The following ZNF831 variants were observed in gnomAD, a reference collection of about 807,000 sequenced individuals.
ZNF831 encodes the protein chromosome 20 open reading frame 174.
In ZNF831, 59 loss-of-function variants were observed where a neutral mutation model predicts 95.8. The ratio of observed to expected loss-of-function variants is 0.62; its 90% CI spans 0.50 to 0.77. ZNF831 has a LOEUF of 0.77. ZNF831 is among the 30% of genes least tolerant of loss of function. ZNF831 has a pLI of 0.00. For synonymous variants in ZNF831, 961 were observed against 925.5 expected, an observed-to-expected ratio of 1.04 and a Z score of -0.70; for missense variants, 2,205 against 2,164.0, an observed-to-expected ratio of 1.02 and a Z score of -0.38.
At chr20:59,230,100 CTTATT>C (rs1030502863) in intron 4 of ZNF831, among the ~76,000 whole-genome samples, 1 of 152,106 alleles carries the variant, frequency 6.6e-6, no homozygotes, top group Non-Finnish European at 1.5e-5. Context: ...TTAAAATAAT[CTTATT>C]TAAGTGAAAA....
At chr20:59,150,459 C>G (rs1980165281) in intron 2 of ZNF831, among the ~76,000 whole-genome samples, 2 of 152,134 alleles carry the variant, frequency 1.3e-5, no homozygotes, top group Admixed American at 6.5e-5. Context: ...TGTCCCAAAG[C>G]CTGCACAGGA....
chr20:59,176,519 A>T (rs1190918572), intron 1 of ZNF831, among the ~76,000 whole-genome samples: 2 of 152,172 alleles, frequency 1.3e-5, no homozygotes, highest in Non-Finnish European at 2.9e-5. Context: ...GAGGAACATG[A>T]TCTCTTGCCA....
chr20:59,185,379 G>A (rs1361348239), intron 1 of ZNF831, among the ~76,000 whole-genome samples: 3 of 152,196 alleles, frequency 2.0e-5, no homozygotes, highest in South Asian at 2.1e-4. Context: ...GAAACATAGC[G>A]CTCTTTTCCT....
intron 4 of ZNF831, among the ~76,000 whole-genome samples, chr20:59,227,150 A>G (rs753585116): frequency 2.0e-5 from 3 of 152,134 alleles, no homozygotes; most frequent in Non-Finnish European, 2.9e-5. Flanking sequence ...TTCTAAACCA[A>G]TTTTCTCAGA....
chr20:59,168,753 A>G (rs1355594086), intron 1 of ZNF831, among the ~76,000 whole-genome samples: 2 of 152,172 alleles, frequency 1.3e-5, no homozygotes, highest in African/African-American at 4.8e-5. Context: ...TCACATTAAG[A>G]GATTTCCGTC....
At chr20:59,148,436 CTTTGGG>C (rs1980004410) in intron 2 of ZNF831, among the ~76,000 whole-genome samples, 3 of 117,036 alleles carry the variant, frequency 2.6e-5, no homozygotes, top group Admixed American at 7.6e-5. Flanking sequence ...AATCCCAGCA[CTTTGGG>C]AGGCCGAGAC....
At chr20:59,128,617 T>A (rs1450366873) in intron 1 of ZNF831, among the ~76,000 whole-genome samples, 1 of 152,238 alleles carries the variant, frequency 6.6e-6, no homozygotes, top group Non-Finnish European at 1.5e-5. Flanking sequence ...GGGATGCACC[T>A]GGCCTTTATT....
intron 4 of ZNF831, among the ~76,000 whole-genome samples, chr20:59,241,784 G>A (rs1478661573): frequency 6.6e-6 from 1 of 152,070 alleles, no homozygotes; most frequent in Non-Finnish European, 1.5e-5. Context: ...CTTTAGTATT[G>A]TTTAGAAGAA....
chr20:59,142,751 G>A (rs1477661427), intron 1 of ZNF831, among the ~76,000 whole-genome samples: 1 of 152,156 alleles, frequency 6.6e-6, no homozygotes, highest in East Asian at 1.9e-4. Flanking sequence ...ACAGTAATTT[G>A]CCTACTCATA....
chr20:59,157,679 T>G (rs943998473), intron 2 of ZNF831, among the ~76,000 whole-genome samples: 1 of 152,154 alleles, frequency 6.6e-6, no homozygotes, highest in Non-Finnish European at 1.5e-5. Context: ...TGGAGAAGAG[T>G]TGGCAGAGGC....
rs1487851905 is a variant in ZNF831, at chr20:59,208,012, G to A, written c.4027+956G>A. 6.6e-6 allele frequency among the ~76,000 whole-genome samples: 1 copy of A among 152,230 alleles called. No homozygotes were observed. Among genetic ancestry groups the A allele is most frequent in the Non-Finnish European group, 1.5e-5 (1 of 68,040 alleles). On this transcript the variant is annotated intron_variant, in intron 4 of 5. Transcript: ENST00000371030. The surrounding 1 kb of genome is among the most constrained non-coding windows in gnomAD (Gnocchi z 4.2). ...CTCCCCAACCCCCAGAGCCTTCCAG[G>A]GTAGGCAAGGACATGGAGTAGTCTT...
At chr20:59,240,454 T>C (rs1175362663) in intron 4 of ZNF831, among the ~76,000 whole-genome samples, 7 of 152,180 alleles carry the variant, frequency 4.6e-5, no homozygotes, top group South Asian at 2.1e-4. Context: ...CAATTGCTGC[T>C]CTTTTAAAAA....
chr20:59,225,544 T>C (rs1005155167), intron 4 of ZNF831, among the ~76,000 whole-genome samples: 1 of 152,256 alleles, frequency 6.6e-6, no homozygotes, highest in Non-Finnish European at 1.5e-5. Flanking sequence ...AATGCCTCTT[T>C]ATAGAAAAGA....
intron 1 of ZNF831, among the ~76,000 whole-genome samples, chr20:59,133,997 G>T (rs781067877): frequency 6.6e-6 from 1 of 152,180 alleles, no homozygotes; most frequent in Non-Finnish European, 1.5e-5. Flanking sequence ...GCTCTTTGGG[G>T]CCCTGATATG....
intron 1 of ZNF831, among the ~76,000 whole-genome samples, chr20:59,141,957 T>A (rs2146444975): frequency 6.6e-6 from 1 of 152,334 alleles, no homozygotes; most frequent in East Asian, 1.9e-4. Context: ...CACTCTGTGG[T>A]GAACGGCTGG....
At chr20:59,237,742 TTGA>T (rs1987082088) in intron 4 of ZNF831, among the ~76,000 whole-genome samples, 1 of 152,198 alleles carries the variant, frequency 6.6e-6, no homozygotes, top group Admixed American at 6.5e-5. Flanking sequence ...GATGTCTTTA[TTGA>T]TGATAATTAC....
intron 2 of ZNF831, among the ~76,000 whole-genome samples, chr20:59,148,724 A>AG (rs1980041092): frequency 1.7e-5 from 2 of 114,752 alleles, no homozygotes; most frequent in Non-Finnish European, 4.0e-5. Context: ...AAAAAAAAAA[A>AG]GAACAGAGCG....
At chr20:59,158,977 T>C (rs1443485554), upstream of ZNF831, among the ~76,000 whole-genome samples, 1 of 152,180 alleles carries the variant, frequency 6.6e-6, no homozygotes, top group Non-Finnish European at 1.5e-5. Context: ...CTCTTTCTGT[T>C]CCAGGATCCA....
intron 1 of ZNF831, among the ~76,000 whole-genome samples, chr20:59,177,320 G>T (rs772242303): frequency 2.6e-5 from 4 of 152,170 alleles, no homozygotes; most frequent in Non-Finnish European, 4.4e-5. Flanking sequence ...TAGTATACTT[G>T]CCCAGAAAGA....
Sources: allele counts gnomAD v4.1 joint callset (sites outside exome capture counted in the v4.1 genomes callset), GRCh38; gene constraint gnomAD v4.1.1; non-coding constraint Gnocchi (gnomAD v3.1); transcripts MANE v1.5; gene names NCBI Gene and HGNC (gene_info 2026-07-23, HGNC 2026-07-21).